The following AGFG1 variants were observed in gnomAD, a reference collection of about 807,000 sequenced individuals.
AGFG1 encodes the protein arf-GAP domain and FG repeat-containing protein 1.
A neutral mutation model predicts 60.6 loss-of-function variants in AGFG1; 10 were observed. The ratio of observed to expected loss-of-function variants is 0.16; its 90% CI spans 0.10 to 0.28. The LOEUF (loss-of-function observed/expected upper bound fraction) is 0.28. Ranked by LOEUF, AGFG1 falls within the 10% of genes least tolerant of loss-of-function variation. AGFG1 has a pLI of 1.00. For missense variants in AGFG1, 537 were observed against 676.5 expected, an observed-to-expected ratio of 0.79 and a Z score of 2.29; for synonymous variants, 247 against 242.9, an observed-to-expected ratio of 1.02 and a Z score of -0.16.
At chr2:227,521,170 A>G (rs1277795612) in intron 3 of AGFG1, among the ~76,000 whole-genome samples, 3 of 152,084 alleles carry the variant, frequency 2.0e-5, no homozygotes, top group Non-Finnish European at 4.4e-5. Flanking sequence ...GGTTCAAGCA[A>G]TTCTCATGCC....
rs971474853 is a variant in AGFG1, at chr2:227,556,873, G to C, written c.*2378G>C. 11 of 152,152 alleles carry C rather than the reference G, an allele frequency of 7.2e-5. No homozygotes were observed. The highest frequency in any genetic ancestry group is 2.4e-4 in the African/African-American group (10 of 41,404). 9.4% of individuals were successfully genotyped at this position (152,152 alleles called of 1,614,324 possible). A position where few individuals can be genotyped will look rare whatever the true frequency, so the allele number is the denominator to read the frequency against. On this transcript the variant is annotated 3_prime_UTR_variant, in exon 13 of 13. Transcript: ENST00000310078. ...CACTTGAGCCCAGGAGTTGGAGGCTGCAGTGCGCTACGATCACACCACTGC... is the reference window on the plus strand; with the variant it reads ...CACTTGAGCCCAGGAGTTGGAGGCTCCAGTGCGCTACGATCACACCACTGC...
chr2:227,511,487 C>CT (rs1691497381), intron 2 of AGFG1, among the ~76,000 whole-genome samples: 1 of 152,098 alleles, frequency 6.6e-6, no homozygotes, highest in Non-Finnish European at 1.5e-5. Context: ...TCTAAGAAAA[C>CT]TTTATCTACA....
intron 2 of AGFG1, among the ~76,000 whole-genome samples, chr2:227,514,154 A>G (rs973707822): frequency 3.3e-5 from 5 of 152,190 alleles, no homozygotes; most frequent in African/African-American, 7.2e-5. Flanking sequence ...TCATCACTCC[A>G]TAGCCCATCA....
chr2:227,526,778 A>G (rs1442557958), intron 5 of AGFG1, among the ~76,000 whole-genome samples: 1 of 151,972 alleles, frequency 6.6e-6, no homozygotes, highest in Non-Finnish European at 1.5e-5. Flanking sequence ...TCCTGACCTC[A>G]GGTGTTCCAC....
chr2:227,488,667 A>C (rs535347929), intron 1 of AGFG1, among the ~76,000 whole-genome samples: 1 of 152,352 alleles, frequency 6.6e-6, no homozygotes, highest in South Asian at 2.1e-4. Flanking sequence ...TTTTGGGGCA[A>C]GGTAGAATGT....
At chr2:227,477,712 T>C (rs1432528199) in intron 1 of AGFG1, among the ~76,000 whole-genome samples, 3 of 152,094 alleles carry the variant, frequency 2.0e-5, no homozygotes, top group African/African-American at 7.2e-5. Flanking sequence ...TTCAAGCGAC[T>C]CTCCTGCCTC....
chr2:227,509,608 T>A (rs1025795969), intron 2 of AGFG1, among the ~76,000 whole-genome samples: 3 of 152,160 alleles, frequency 2.0e-5, no homozygotes, highest in Non-Finnish European at 4.4e-5. Flanking sequence ...TTAAAAAAAT[T>A]ATTTTTCTCA....
Position 227,547,710 on chromosome 2 carries a change from A to G in AGFG1, c.1379-4249A>G, listed in dbSNP as rs374756663. Among the ~76,000 whole-genome samples, 7 of 152,368 alleles carry G rather than the reference A, an allele frequency of 4.6e-5. No homozygotes were observed. The South Asian group carries it at 1.4e-3, about 32-fold the overall frequency. On this transcript the variant is annotated intron_variant, in intron 10 of 12. Transcript: ENST00000310078. ...ACAGTGATGAACAATGTAAGGAGGT[A>G]GAGAAAATAGAAACCTCGTATATTG...
In AGFG1 at chr2:227,533,584, C is replaced by A; in HGVS notation, c.850C>A (p.His284Asn). 1 of 1,613,734 alleles carries A rather than the reference C, an allele frequency of 6.2e-7. No individual in the cohort carries two copies. Among genetic ancestry groups the A allele is most frequent in the South Asian group, 1.1e-5 (1 of 91,076 alleles). Residue 284 changes from histidine to asparagine, a missense_variant, in exon 7 of 13, where the codon CAT becomes AAT. Physicochemically the swap from His to Asn is moderately conservative, Grantham distance 68. Coordinates refer to ENST00000310078, the MANE Select transcript of AGFG1 (RefSeq NM_004504.5). Reference sequence around the variant, plus strand: ...TGCATCAGTAAATGCTAATTTTGCTCATTTTGATAACTTCCCCAAATCCTC... The same window carrying A: ...TGCATCAGTAAATGCTAATTTTGCTAATTTTGATAACTTCCCCAAATCCTC... ...SAASVNANFA[H>N]FDNFPKSSSA...
intron 1 of AGFG1, among the ~76,000 whole-genome samples, chr2:227,479,314 C>T (rs1354794786): frequency 6.6e-6 from 1 of 152,196 alleles, no homozygotes; most frequent in African/African-American, 2.4e-5. Flanking sequence ...CCTATTCATT[C>T]ATCCATCATT....
chr2:227,523,958 G>A (rs183979520), intron 4 of AGFG1, 33 bp downstream of exon 4: 122 of 1,573,536 alleles, frequency 7.8e-5, no homozygotes, highest in Non-Finnish European at 1.0e-4. Flanking sequence ...TAGGGAATTC[G>A]ACTTAAAGAG....
At chr2:227,484,688 G>GTTTTTTTTTTTTT (rs745570416) in intron 1 of AGFG1, among the ~76,000 whole-genome samples, 16 of 25,108 alleles carry the variant, frequency 6.4e-4, no homozygotes, top group African/African-American at 1.6e-3. Flanking sequence ...TTTTTTTTTT[G>GTTTTTTTTTTTTT]TTTTTTTTTT....
intron 2 of AGFG1, among the ~76,000 whole-genome samples, chr2:227,506,498 C>T (rs1474439314): frequency 1.4e-5 from 2 of 139,196 alleles, no homozygotes; most frequent in Non-Finnish European, 1.5e-5. Context: ...AGCTTTAAGG[C>T]TTGTGTATTT....
intron 2 of AGFG1, among the ~76,000 whole-genome samples, chr2:227,493,363 A>G (rs1690875369): frequency 1.3e-5 from 2 of 152,106 alleles, no homozygotes; most frequent in South Asian, 2.1e-4. Context: ...CTCTGCTTCT[A>G]TGGGTTTGAC....
intron 2 of AGFG1, among the ~76,000 whole-genome samples, chr2:227,517,483 G>A (rs901587433): frequency 3.9e-5 from 6 of 152,180 alleles, no homozygotes; most frequent in African/African-American, 1.4e-4. Context: ...TGTTGGCCAT[G>A]ATGGTCTCGA....
At chr2:227,550,107 G>A (rs1285517649) in intron 10 of AGFG1, 3 of 440,256 alleles carry the variant, frequency 6.8e-6, no homozygotes, top group African/African-American at 6.3e-5. Context: ...GCTCATTTTG[G>A]TAGGTGGCCA....
chr2:227,549,514 C>G (rs545678151), intron 10 of AGFG1, among the ~76,000 whole-genome samples: 1 of 151,958 alleles, frequency 6.6e-6, no homozygotes, highest in Admixed American at 6.6e-5. Flanking sequence ...CTGTAAATAC[C>G]GCTTACCTTT....
intron 1 of AGFG1, among the ~76,000 whole-genome samples, chr2:227,486,364 A>G (rs2106162761): frequency 6.6e-6 from 1 of 152,272 alleles, no homozygotes; most frequent in East Asian, 1.9e-4. Flanking sequence ...ATATTGTAGT[A>G]GAGGAGCCTT....
chr2:227,526,939 T>C (rs1406491466), intron 5 of AGFG1, among the ~76,000 whole-genome samples: 2 of 152,210 alleles, frequency 1.3e-5, no homozygotes, highest in Non-Finnish European at 2.9e-5. Flanking sequence ...CAAACATGTT[T>C]AATGCATGTC....
Sources: gnomAD v4.1 joint callset for allele counts (sites outside exome capture counted in the v4.1 genomes callset) on GRCh38, gnomAD v4.1.1 for gene constraint, MANE v1.5 for transcripts, NCBI Gene and HGNC (gene_info 2026-07-23, HGNC 2026-07-21) for gene names.